The following QPCT variants were observed in gnomAD, a reference collection of about 807,000 sequenced individuals.
QPCT encodes the protein glutaminyl-peptide cyclotransferase, also known as EC.
In QPCT, 44 loss-of-function variants were observed where a neutral mutation model predicts 43.4. That is an observed-to-expected ratio of 1.01 (90% CI 0.80 to 1.30). The LOEUF is 1.30. Ranked by LOEUF, QPCT falls within the 50% of genes most tolerant of loss-of-function variation. The probability of loss-of-function intolerance (pLI) is 0.00; values close to 1 mark genes in which losing one functional copy is unlikely to be tolerated. For missense variants in QPCT, 526 were observed against 436.5 expected (o/e 1.21, Z -1.83); for synonymous variants, 168 against 168.4 (o/e 1.00, Z 0.02).
Position 37,347,207 on chromosome 2 carries a change from C to CATAT in QPCT, c.120+2362_120+2365dup, listed in dbSNP as rs1431421912. Among the ~76,000 whole-genome samples, 78 of 28,926 alleles carry CATAT rather than the reference C, an allele frequency of 2.7e-3. 3 individuals carry two copies. Among genetic ancestry groups the CATAT allele is most frequent in the African/African-American group, 0.012 (66 of 5,648 alleles). The allele number at this position is 28,926 out of a possible 152,430, so 19.0% of individuals were successfully genotyped here. A position where few individuals can be genotyped will look rare whatever the true frequency, so the allele number is the denominator to read the frequency against. On this transcript the variant is annotated intron_variant, in intron 1 of 6. Transcript: ENST00000338415. ...ATATATATATAACATATATATATAA[C>CATAT]ATATATATAACATATATATATAACA... is the stretch of plus-strand genomic sequence containing the variant.
chr2:37,359,586 A>G lies in QPCT; in HGVS notation c.274A>G (p.Met92Val), dbSNP rs1672821548. The G allele has an allele frequency of 6.8e-6, 11 of 1,613,530 alleles. No homozygotes were observed. The highest frequency in any genetic ancestry group is 8.5e-6 in the Non-Finnish European group (10 of 1,179,594). Residue 92 changes from methionine to valine, a missense_variant, in exon 3 of 7, where the codon ATG (methionine) becomes GTG (valine). By Grantham distance (21) the Met-to-Val change is conservative. Coordinates refer to ENST00000338415, the MANE Select transcript of QPCT (RefSeq NM_012413.4). ...PGSYAARQHI[M>V]QRIQRLQADW... ...GTTTTTTTGTTTTGATCAGCACATC[A>G]TGCAGCGAATTCAGAGGCTTCAGGC...
intron 3 of QPCT, among the ~76,000 whole-genome samples, chr2:37,364,550 G>A (rs539849390): frequency 6.6e-6 from 1 of 152,290 alleles, no homozygotes. Flanking sequence ...ATGAAAGAGA[G>A]GCCTGTGGTG....
chr2:37,366,773 G>A (rs1362918207), intron 3 of QPCT, among the ~76,000 whole-genome samples: 1 of 152,174 alleles, frequency 6.6e-6, no homozygotes, highest in Non-Finnish European at 1.5e-5. Context: ...GAGCTCTGGA[G>A]ATATGATGGC....
intron 3 of QPCT, among the ~76,000 whole-genome samples, chr2:37,363,535 G>A (rs1672896912): frequency 6.6e-6 from 1 of 151,324 alleles, no homozygotes; most frequent in Non-Finnish European, 1.5e-5. Context: ...GGAGGCTGAG[G>A]CAGGAGGATT....
chr2:37,362,698 G>C (rs1467190118), intron 3 of QPCT, among the ~76,000 whole-genome samples: 1 of 152,184 alleles, frequency 6.6e-6, no homozygotes, highest in Non-Finnish European at 1.5e-5. Flanking sequence ...ATATCAGAGT[G>C]GAGAGAAGTC....
chr2:37,352,230 G>A (rs112552247), intron 1 of QPCT, among the ~76,000 whole-genome samples: 1 of 152,072 alleles, frequency 6.6e-6, no homozygotes, highest in African/African-American at 2.4e-5. Context: ...TAAAATTCGA[G>A]GACCCCTTAA....
intron 1 of QPCT, among the ~76,000 whole-genome samples, chr2:37,348,062 G>A (rs80074744): frequency 9.2e-6 from 1 of 108,234 alleles, no homozygotes; most frequent in Non-Finnish European, 1.9e-5. Context: ...GCGCGCGCAC[G>A]CGTGTGTGTG....
chr2:37,346,125 C>G (rs2124928980), intron 1 of QPCT, among the ~76,000 whole-genome samples: 1 of 152,006 alleles, frequency 6.6e-6, no homozygotes, highest in South Asian at 2.1e-4. Flanking sequence ...CCACTCCCAC[C>G]CAGCTACATG....
intron 1 of QPCT, among the ~76,000 whole-genome samples, chr2:37,347,135 T>C (rs1672503270): frequency 2.2e-5 from 1 of 45,020 alleles, no homozygotes; most frequent in African/African-American, 6.9e-5. Context: ...CATCTGGGTA[T>C]GGGGTGTTTT....
chr2:37,356,815 G>T (rs1277724352), intron 2 of QPCT, among the ~76,000 whole-genome samples: 1 of 152,028 alleles, frequency 6.6e-6, no homozygotes, highest in East Asian at 1.9e-4. Context: ...AGACCATCCC[G>T]GCCAACATGG....
chr2:37,364,436 A>G (rs1244431892), intron 3 of QPCT, among the ~76,000 whole-genome samples: 2 of 152,218 alleles, frequency 1.3e-5, no homozygotes, highest in South Asian at 2.1e-4. Context: ...GCCCATTCTT[A>G]AAAAACAAAA....
At chr2:37,368,110 A>T (rs921594257) in intron 4 of QPCT, among the ~76,000 whole-genome samples, 2 of 152,078 alleles carry the variant, frequency 1.3e-5, no homozygotes, top group African/African-American at 4.8e-5. Flanking sequence ...AGGGTGAAGA[A>T]TTTCCTTGGT....
chr2:37,361,265 A>C (rs1002639010), intron 3 of QPCT, among the ~76,000 whole-genome samples: 1 of 152,110 alleles, frequency 6.6e-6, no homozygotes, highest in Non-Finnish European at 1.5e-5. Flanking sequence ...GCTGTCATGG[A>C]TTGGGTAGAC....
chr2:37,353,092 A>G (rs926066335), intron 2 of QPCT, among the ~76,000 whole-genome samples, 157 bp downstream of exon 2: 3 of 152,250 alleles, frequency 2.0e-5, no homozygotes, highest in Admixed American at 6.5e-5. Flanking sequence ...GACTGAGAGT[A>G]CATGTCTGTT....
chr2:37,368,795 G>A, intron 4 of QPCT: 4 of 402,444 alleles, frequency 9.9e-6, no homozygotes, highest in Non-Finnish European at 2.0e-5. Context: ...AAGCCACAGT[G>A]ATTCATATAT....
At chr2:37,360,566 G>A (rs1050366157) in intron 3 of QPCT, among the ~76,000 whole-genome samples, 3 of 152,162 alleles carry the variant, frequency 2.0e-5, no homozygotes, top group Non-Finnish European at 4.4e-5. Flanking sequence ...AAAAAACTTT[G>A]TTCTCAGGCA....
At chr2:37,362,606 A>C (rs1021681098) in intron 3 of QPCT, among the ~76,000 whole-genome samples, 5 of 152,202 alleles carry the variant, frequency 3.3e-5, no homozygotes, top group African/African-American at 1.2e-4. Flanking sequence ...GGGAAACTCC[A>C]TTTTTTGAAG....
rs1351274348 is a variant in QPCT, at chr2:37,359,577, CA to C, written c.268-2del. On this transcript the variant is annotated splice_acceptor_variant, in intron 2 of 6. Transcript: ENST00000338415. LOFTEE classifies it high-confidence loss of function. ...AAATTTTTTGTTTTTTTGTTTTGAT[CA>C]GCACATCATGCAGCGAATTCAGAGG... 6.2e-7 allele frequency: 1 copy of C among 1,602,330 alleles called. No homozygotes were observed. Among genetic ancestry groups the C allele is most frequent in the African/African-American group, 1.3e-5 (1 of 74,456 alleles).
intron 3 of QPCT, among the ~76,000 whole-genome samples, chr2:37,362,458 A>T (rs1395627296): frequency 6.6e-6 from 1 of 152,222 alleles, no homozygotes; most frequent in Non-Finnish European, 1.5e-5. Context: ...GTTATGGAGG[A>T]TTCAAATCAA....
Sources: allele counts gnomAD v4.1 joint callset (sites outside exome capture counted in the v4.1 genomes callset), GRCh38; gene constraint gnomAD v4.1.1; transcripts MANE v1.5; gene names NCBI Gene and HGNC (gene_info 2026-07-23, HGNC 2026-07-21).